The following CCT5 variants were observed in gnomAD, a reference collection of about 807,000 sequenced individuals.
CCT5 encodes T-complex protein 1 subunit epsilon.
A neutral mutation model predicts 55.0 loss-of-function variants in CCT5; 6 were observed. That is an observed-to-expected ratio of 0.11 (90% CI 0.06 to 0.22). The LOEUF (loss-of-function observed/expected upper bound fraction) is 0.22. CCT5 is among the 10% of genes least tolerant of loss of function. The probability of loss-of-function intolerance (pLI) is 1.00; values close to 1 mark genes in which losing one functional copy is unlikely to be tolerated. For missense variants in CCT5, 560 were observed against 694.6 expected (o/e 0.81, Z 2.18); for synonymous variants, 231 against 243.7 (o/e 0.95, Z 0.49).
intron 1 of CCT5, among the ~76,000 whole-genome samples, chr5:10,253,011 C>G (rs1378497548): frequency 6.6e-6 from 1 of 151,934 alleles, no homozygotes; most frequent in East Asian, 1.9e-4. Flanking sequence ...ATCACTTTGA[C>G]AGCTACTTAC....
intron 1 of CCT5, among the ~76,000 whole-genome samples, chr5:10,253,836 TAAG>T (rs1745546938): frequency 6.6e-6 from 1 of 152,220 alleles, no homozygotes; most frequent in South Asian, 2.1e-4. Flanking sequence ...GCAACGCCTG[TAAG>T]GTCATAGTCA....
rs1053135858 is a variant in CCT5 at position 10,265,656 on chromosome 5, T to C, written c.*873T>C. 7 of 152,108 alleles carry C rather than the reference T, an allele frequency of 4.6e-5. No individual in the cohort carries two copies. The highest frequency in any genetic ancestry group is 1.3e-4 in the Admixed American group (2 of 15,276). 9.4% of individuals were successfully genotyped at this position (152,108 alleles called of 1,614,324 possible). On this transcript the variant is annotated 3_prime_UTR_variant, in exon 11 of 11. Transcript: ENST00000280326. ...ACCCAGTGAGGCAGATACACTTTCT[T>C]ACTGCTCACATCTTACAGGTGAGTA...
chr5:10,264,777 A>C lies in CCT5; in HGVS notation c.1620A>C (p.Glu540Asp). 1.9e-6 allele frequency: 3 copies of C among 1,611,048 alleles called. No individual in the cohort carries two copies. The highest frequency in any genetic ancestry group is 2.5e-6 in the Non-Finnish European group (3 of 1,177,152). ...ACATTCGTAAGCCTGGAGAATCTGA[A>C]GAATGAAGACATTGAGAAAACTATG... ...IDDIRKPGES[E>D]E The change falls in exon 11 of 11, where the codon GAA (glutamate) becomes GAC (aspartate). Residue 540 changes from glutamate (E) to aspartate (D), a missense_variant. Glu to Asp is a conservative substitution (Grantham distance 45). Transcript: ENST00000280326.
At position 10,254,124 on chromosome 5, in the gene CCT5, T is replaced by G. The variant is rs748160823; in HGVS notation, c.106-21T>G. The G allele has an allele frequency of 6.4e-6, 10 of 1,568,972 alleles. No individual in the cohort carries two copies. The Admixed American group carries it at 1.7e-4, about 26-fold the overall frequency. On this transcript the variant is annotated intron_variant, in intron 1 of 10. Coordinates refer to ENST00000280326, the MANE Select transcript of CCT5 (RefSeq NM_012073.5). ...TGAAATTATATGTAACAGTGTTTGC[T>G]TTTTCTGTTTGTTTCATTAGTCTCA...
upstream of CCT5, chr5:10,250,050 C>T (rs748809035): frequency 5.8e-6 from 9 of 1,541,050 alleles, no homozygotes; most frequent in South Asian, 9.5e-5. Flanking sequence ...TCAGTGGTAA[C>T]GTTTTAAAAA....
At chr5:10,249,924 AAAAAAAAAAACC>A (rs1561039932), upstream of CCT5, 529 of 1,164,008 alleles carry the variant, frequency 4.5e-4, 3 homozygotes, top group East Asian at 1.2e-3. Context: ...AAAAAAAAAA[AAAAAAAAAAACC>A]GGAAATGGGT....
At chr5:10,251,432 G>A (rs1490616112) in intron 1 of CCT5, among the ~76,000 whole-genome samples, 1 of 152,180 alleles carries the variant, frequency 6.6e-6, no homozygotes, top group Non-Finnish European at 1.5e-5. Context: ...AGAAAATGCA[G>A]AGGAAGGGAC....
At chr5:10,251,643 G>A (rs1462716806) in intron 1 of CCT5, among the ~76,000 whole-genome samples, 1 of 152,154 alleles carries the variant, frequency 6.6e-6, no homozygotes, top group Non-Finnish European at 1.5e-5. Context: ...CCAGGGGGAG[G>A]TGATAGGCCT....
chr5:10,254,603 G>C, intron 2 of CCT5, 71 bp from the exon 3 acceptor site: 1 of 1,307,438 alleles, frequency 7.6e-7, no homozygotes, highest in African/African-American at 1.4e-5. Context: ...TGGGTCAGGA[G>C]GTCTTGTTTT....
At chr5:10,252,579 C>T (rs933687317) in intron 1 of CCT5, among the ~76,000 whole-genome samples, 5 of 145,282 alleles carry the variant, frequency 3.4e-5, no homozygotes, top group Admixed American at 7.1e-5. Flanking sequence ...CACGCCACTG[C>T]ACTCCAGCCT....
At chr5:10,261,809 C>T in intron 8 of CCT5, 64 bp downstream of exon 8, 5 of 1,323,184 alleles carry the variant, frequency 3.8e-6, no homozygotes, top group Middle Eastern at 1.8e-4. Flanking sequence ...GCTTTTTTGC[C>T]TGTGTGTATT....
intron 8 of CCT5, 117 bp from the exon 9 acceptor site, chr5:10,262,364 T>C (rs1396192598): frequency 1.8e-6 from 2 of 1,083,418 alleles, no homozygotes; most frequent in Non-Finnish European, 2.8e-6. Flanking sequence ...TATCCGATAG[T>C]GGAGGCCATC....
At chr5:10,250,992 T>C (rs1745370002) in intron 1 of CCT5, 1 of 463,118 alleles carries the variant, frequency 2.2e-6, no homozygotes, top group Non-Finnish European at 2.9e-6. Context: ...ATAACCGTAA[T>C]ACAAGGTGGT....
upstream of CCT5, chr5:10,250,230 T>G (rs534498281): frequency 1.2e-5 from 19 of 1,573,672 alleles, no homozygotes; most frequent in Admixed American, 3.7e-5. Context: ...GTCCCGCGCG[T>G]CTTGTGCTGC....
In CCT5 at chr5:10,258,186, A is replaced by G. The variant is rs1745776686; in HGVS notation, c.606A>G (p.Arg202=). The G allele has an allele frequency of 1.2e-6, 2 of 1,614,062 alleles. No individual in the cohort carries two copies. The highest frequency in any genetic ancestry group is 1.7e-5 in the Admixed American group (1 of 60,000). The change falls in exon 5 of 11, where the codon AGA becomes AGG. Residue 202 remains arginine, a synonymous_variant. Transcript: ENST00000280326. ...AVLTVADMER[R]DVDFELIKVE... is the part of the protein sequence containing the mutation. ...TCACTGTAGCAGATATGGAGCGGAG[A>G]GACGTTGACTTTGAGCTTATCAAAG...
chr5:10,264,953 C>T lies in CCT5; in HGVS notation c.*170C>T, dbSNP rs1164723058. 2.6e-6 allele frequency: 2 copies of T among 783,894 alleles called. No individual in the cohort carries two copies. The highest frequency in any genetic ancestry group is 4.1e-6 in the Non-Finnish European group (2 of 491,822). The allele number at this position is 783,894 out of a possible 1,614,324, so 48.6% of individuals were successfully genotyped here. ...TTTCACTTGTTCAAAGCTGTGTAAT[C>T]GTGGGGGTACCATCTCAACTGCTTT... On this transcript the variant is annotated 3_prime_UTR_variant, in exon 11 of 11. Coordinates refer to ENST00000280326, the MANE Select transcript of CCT5 (RefSeq NM_012073.5).
chr5:10,261,231 C>T, intron 7 of CCT5: 1 of 492,696 alleles, frequency 2.0e-6, no homozygotes, highest in South Asian at 2.0e-5. Context: ...CTCGGTGGTT[C>T]TCACTGCAGC....
chr5:10,260,088 C>T (rs1406024498), intron 6 of CCT5, among the ~76,000 whole-genome samples: 2 of 152,058 alleles, frequency 1.3e-5, no homozygotes, highest in Admixed American at 1.3e-4. Context: ...GGACTGAGTT[C>T]CAGAGGGTCA....
chr5:10,261,523 T>A (rs1447891827), intron 7 of CCT5, 37 bp from the exon 8 acceptor site: 1 of 1,603,952 alleles, frequency 6.2e-7, no homozygotes, highest in Non-Finnish European at 8.5e-7. Context: ...ACTTCACCAG[T>A]ACTGTCTTCA....
Sources: gnomAD v4.1 joint callset for allele counts (sites outside exome capture counted in the v4.1 genomes callset) on GRCh38, gnomAD v4.1.1 for gene constraint, MANE v1.5 for transcripts, NCBI Gene and HGNC (gene_info 2026-07-23, HGNC 2026-07-21) for gene names.